EPHB1: variants seen among roughly 807,000 people sequenced by gnomAD.
EPHB1 encodes the protein EPH receptor B1.
Under a neutral mutation model 94.4 loss-of-function variants are expected in EPHB1, and 30 were observed. That is an observed-to-expected ratio of 0.32 (90% confidence interval 0.24 to 0.43). The LOEUF is 0.43. Ranked by LOEUF, EPHB1 falls within the 20% of genes least tolerant of loss-of-function variation. The pLI is 1.00. For synonymous variants in EPHB1, 522 were observed against 489.1 expected (o/e 1.07, Z -0.89); for missense variants, 1,055 against 1,308.3 (o/e 0.81, Z 2.99).
At chr3:135,179,724 G>A (rs530185161) in intron 9 of EPHB1, 136 bp from the exon 10 acceptor site, 5 of 932,790 alleles carry the variant, frequency 5.4e-6, no homozygotes, top group Non-Finnish European at 8.2e-6. Context: ...AAGAGGAGGA[G>A]AGGCAGAGAA....
intron 15 of EPHB1, among the ~76,000 whole-genome samples, chr3:135,257,501 T>G (rs1487681237): frequency 6.6e-6 from 1 of 152,086 alleles, no homozygotes; most frequent in Non-Finnish European, 1.5e-5. Context: ...GTGCCCCTGC[T>G]GGGGGGTGCC....
intron 3 of EPHB1, among the ~76,000 whole-genome samples, chr3:135,043,373 G>A (rs1936909120): frequency 6.6e-6 from 1 of 152,010 alleles, no homozygotes; most frequent in South Asian, 2.1e-4. Context: ...CCAGGTTCAG[G>A]CTTAATCAAC....
rs1421807727 is a variant in EPHB1 at position 134,925,856 on chromosome 3, C to T, written c.99C>T (p.Gly33=). 6.2e-7 allele frequency: 1 copy of T among 1,605,472 alleles called. No individual in the cohort carries two copies. Residue 33 remains glycine (G), a synonymous_variant, in exon 2 of 16, where the codon GGC becomes GGT. Transcript: ENST00000398015. ...CCAGAACGGCTACTGCAGAGCTGGG[C>T]TGGACGGCCAATCCTGCGTCCGGGG... ...MDTRTATAEL[G]WTANPASGWE...
At chr3:134,988,237 G>C (rs1934671514) in intron 3 of EPHB1, among the ~76,000 whole-genome samples, 1 of 152,222 alleles carries the variant, frequency 6.6e-6, no homozygotes, top group African/African-American at 2.4e-5. Flanking sequence ...TGCCAGGCCA[G>C]AGGGGCTGTT....
intron 12 of EPHB1, among the ~76,000 whole-genome samples, chr3:135,207,652 G>T (rs1034258341): frequency 3.3e-5 from 5 of 152,212 alleles, no homozygotes; most frequent in African/African-American, 1.2e-4. Flanking sequence ...AAGAGATGGT[G>T]CTACAGCAGA....
chr3:135,253,543 G>C (rs1576504477), intron 15 of EPHB1, among the ~76,000 whole-genome samples: 1 of 151,648 alleles, frequency 6.6e-6, no homozygotes. Context: ...CATTATTTCT[G>C]AGGGCTCTGT....
chr3:135,146,777 G>A (rs1941024775), intron 5 of EPHB1, among the ~76,000 whole-genome samples: 1 of 152,082 alleles, frequency 6.6e-6, no homozygotes, highest in African/African-American at 2.4e-5. Flanking sequence ...ATAAATACCT[G>A]AGGCTGTCTC....
chr3:134,797,714 C>A (rs550132643), intron 1 of EPHB1, among the ~76,000 whole-genome samples: 2 of 152,316 alleles, frequency 1.3e-5, no homozygotes, highest in East Asian at 1.9e-4. Context: ...AGAGCCCAGG[C>A]CTTCCGGAGC....
intron 3 of EPHB1, among the ~76,000 whole-genome samples, chr3:135,103,307 A>T (rs1270538038): frequency 6.6e-6 from 1 of 152,178 alleles, no homozygotes; most frequent in Non-Finnish European, 1.5e-5. Context: ...TATTTTGTAG[A>T]TATGATTCAC....
chr3:135,164,167 G>A (rs1013116930), intron 7 of EPHB1, among the ~76,000 whole-genome samples: 15 of 152,046 alleles, frequency 9.9e-5, no homozygotes, highest in Non-Finnish European at 2.1e-4. Flanking sequence ...TTTTTCTATC[G>A]CCAACTTTAT....
At chr3:134,991,980 C>T (rs570496770) in intron 3 of EPHB1, among the ~76,000 whole-genome samples, 1 of 152,088 alleles carries the variant, frequency 6.6e-6, no homozygotes, top group South Asian at 2.1e-4. Flanking sequence ...AGAAGCAGGC[C>T]CATTTCTAGG....
At chr3:135,000,226 G>T (rs1466226721) in intron 3 of EPHB1, among the ~76,000 whole-genome samples, 1 of 152,204 alleles carries the variant, frequency 6.6e-6, no homozygotes, top group Non-Finnish European at 1.5e-5. Flanking sequence ...GAAAAATGAG[G>T]TCTCTCTTAA....
At chr3:135,153,997 C>A (rs1053976472) in intron 5 of EPHB1, among the ~76,000 whole-genome samples, 155 bp from the exon 6 acceptor site, 7 of 152,196 alleles carry the variant, frequency 4.6e-5, no homozygotes, top group African/African-American at 1.7e-4. Flanking sequence ...TCTGCAAAAC[C>A]CACAGGAAGT....
intron 1 of EPHB1, among the ~76,000 whole-genome samples, chr3:134,811,658 G>A (rs1276357727): frequency 7.2e-5 from 11 of 152,042 alleles, no homozygotes; most frequent in Admixed American, 1.3e-4. Context: ...GCCACAAACC[G>A]TTATAAGATC....
intron 3 of EPHB1, among the ~76,000 whole-genome samples, chr3:135,064,879 T>C (rs1221842398): frequency 6.6e-6 from 1 of 152,188 alleles, no homozygotes; most frequent in Non-Finnish European, 1.5e-5. Flanking sequence ...CTTTGCTGTA[T>C]CCCAGAGGTT....
intron 3 of EPHB1, among the ~76,000 whole-genome samples, chr3:134,985,683 A>T (rs567669108): frequency 6.8e-4 from 103 of 152,290 alleles, no homozygotes; most frequent in African/African-American, 1.7e-3. Flanking sequence ...GAGATGAGTA[A>T]CATGCCCAGC....
intron 1 of EPHB1, among the ~76,000 whole-genome samples, chr3:134,925,011 G>A (rs935808596): frequency 2.0e-5 from 3 of 152,312 alleles, no homozygotes; most frequent in Non-Finnish European, 2.9e-5. Flanking sequence ...TGGTTTCACT[G>A]GTGTACATAT....
intron 3 of EPHB1, among the ~76,000 whole-genome samples, chr3:135,058,266 T>A: frequency 6.6e-6 from 1 of 152,200 alleles, no homozygotes; most frequent in East Asian, 1.9e-4. Flanking sequence ...AGAGGGTGAA[T>A]CAGAGCACTA....
At chr3:135,254,810 C>T (rs571139714) in intron 15 of EPHB1, among the ~76,000 whole-genome samples, 2 of 152,208 alleles carry the variant, frequency 1.3e-5, no homozygotes, top group Admixed American at 6.5e-5. Context: ...CCTCCTTGTA[C>T]CTCTGATAGA....
Sources: gnomAD v4.1 joint callset for allele counts (sites outside exome capture counted in the v4.1 genomes callset) on GRCh38, gnomAD v4.1.1 for gene constraint, MANE v1.5 for transcripts, NCBI Gene and HGNC (gene_info 2026-07-23, HGNC 2026-07-21) for gene names.